The following LRGUK variants were observed in gnomAD, a reference collection of about 807,000 sequenced individuals.
The protein encoded by LRGUK is leucine rich repeats and guanylate kinase domain containing.
LRGUK carries 65 observed loss-of-function variants against 76.0 expected under a neutral mutation model. The ratio of observed to expected loss-of-function variants is 0.85; its 90% CI spans 0.70 to 1.05. The LOEUF is 1.05. Ranked by LOEUF, LRGUK falls within the 50% of genes least tolerant of loss-of-function variation. The pLI, the probability that LRGUK is intolerant of heterozygous loss-of-function variation, is 0.00. For missense variants in LRGUK, 758 were observed against 732.8 expected, an observed-to-expected ratio of 1.03 and a Z score of -0.40; for synonymous variants, 268 against 265.6, an observed-to-expected ratio of 1.01 and a Z score of -0.09.
chr7:134,231,703 CCTTCCTCCCGTTCTCCCTCT>C (rs1249737714), intron 16 of LRGUK, among the ~76,000 whole-genome samples: 54 of 138,622 alleles, frequency 3.9e-4, no homozygotes, highest in Admixed American at 8.6e-4. Flanking sequence ...TTCCTCCCTT[CCTTCCTCCCGTTCTCCCTCT>C]CTTCCTCCCT....
At chr7:134,202,897 AC>A (rs750600254) in intron 15 of LRGUK, among the ~76,000 whole-genome samples, 3 of 152,186 alleles carry the variant, frequency 2.0e-5, no homozygotes, top group Non-Finnish European at 4.4e-5. Context: ...ATGCCACTGA[AC>A]TGTGTACTTA....
chr7:134,262,823 G>A (rs1802764140), intron 19 of LRGUK, among the ~76,000 whole-genome samples: 1 of 151,782 alleles, frequency 6.6e-6, no homozygotes, highest in Non-Finnish European at 1.5e-5. Context: ...CAAAAATTAC[G>A]CAGATGTGGT....
chr7:134,251,215 G>A (rs1412117330), intron 18 of LRGUK, among the ~76,000 whole-genome samples: 5 of 152,116 alleles, frequency 3.3e-5, no homozygotes, highest in African/African-American at 4.8e-5. Flanking sequence ...GGTCATATTG[G>A]AGTAGGGTGG....
intron 9 of LRGUK, 84 bp from the exon 10 acceptor site, chr7:134,178,419 A>T: frequency 2.0e-6 from 2 of 993,524 alleles, no homozygotes; most frequent in Middle Eastern, 2.9e-4. Context: ...CGTGAACAAC[A>T]TTTCATTAAG....
chr7:134,196,817 T>G (rs1032286051), intron 12 of LRGUK, among the ~76,000 whole-genome samples, 175 bp from the exon 13 acceptor site: 14 of 152,198 alleles, frequency 9.2e-5, no homozygotes, highest in African/African-American at 3.4e-4. Context: ...TCTGAATAAA[T>G]TTCTCTGTCA....
intron 1 of LRGUK, among the ~76,000 whole-genome samples, chr7:134,133,918 C>T (rs1457291463): frequency 6.6e-6 from 1 of 151,878 alleles, no homozygotes; most frequent in East Asian, 1.9e-4. Context: ...AAAAATTAGC[C>T]AGGCATGGTG....
chr7:134,224,993 A>C (rs111268457), intron 16 of LRGUK, among the ~76,000 whole-genome samples: 1 of 151,902 alleles, frequency 6.6e-6, no homozygotes, highest in Non-Finnish European at 1.5e-5. Context: ...CAGAGGTTGC[A>C]GTGAGCGGAG....
chr7:134,209,118 C>T (rs1801129260), exon 16 of LRGUK: 2 of 399,028 alleles, frequency 5.0e-6, no homozygotes, highest in Admixed American at 4.4e-5. Context: ...CCCATCACCC[C>T]GACCCTGGTG....
At chr7:134,261,656 A>G (rs901601762) in intron 19 of LRGUK, among the ~76,000 whole-genome samples, 3 of 152,230 alleles carry the variant, frequency 2.0e-5, no homozygotes, top group Non-Finnish European at 4.4e-5. Flanking sequence ...AGAAACTTTG[A>G]TAAGTGCCCT....
At chr7:134,205,155 T>C (rs1800949777) in intron 15 of LRGUK, among the ~76,000 whole-genome samples, 1 of 152,198 alleles carries the variant, frequency 6.6e-6, no homozygotes, top group Non-Finnish European at 1.5e-5. Context: ...TCCATTTGTG[T>C]CCTATCAGAG....
exon 1 of LRGUK, chr7:134,127,440 A>G (rs1052612422): frequency 3.7e-6 from 6 of 1,613,842 alleles, no homozygotes; most frequent in East Asian, 2.2e-5. Flanking sequence ...CAGATCCCGA[A>G]CTGGAGCCCG....
At chr7:134,188,661 T>C (rs1800075034) in intron 11 of LRGUK, among the ~76,000 whole-genome samples, 1 of 152,146 alleles carries the variant, frequency 6.6e-6, no homozygotes, top group South Asian at 2.1e-4. Context: ...GCTATTGACA[T>C]ATATTTGCAT....
At chr7:134,191,793 C>G (rs368369041) in intron 12 of LRGUK, 42 bp downstream of exon 12, 11 of 1,240,704 alleles carry the variant, frequency 8.9e-6, no homozygotes, top group Admixed American at 2.0e-5. Context: ...AAGAAATACA[C>G]GTTCTCTGGC....
intron 1 of LRGUK, among the ~76,000 whole-genome samples, chr7:134,128,266 CATT>C (rs1360312720): frequency 1.3e-5 from 2 of 152,226 alleles, no homozygotes; most frequent in Non-Finnish European, 2.9e-5. Context: ...ACAGCCAGCT[CATT>C]GTGGGAATAT....
chr7:134,145,458 G>A (rs1052252551), intron 4 of LRGUK, among the ~76,000 whole-genome samples: 2 of 152,134 alleles, frequency 1.3e-5, no homozygotes, highest in African/African-American at 2.4e-5. Flanking sequence ...TGTTGACCAG[G>A]CTGGTCTGAA....
chr7:134,177,028 G>T lies in LRGUK; in HGVS notation c.1072G>T (p.Glu358Ter). The T allele has an allele frequency of 6.2e-7, 1 of 1,601,846 alleles. No individual in the cohort carries two copies. Among genetic ancestry groups the T allele is most frequent in the Non-Finnish European group, 8.5e-7 (1 of 1,170,754 alleles). Residue 358 changes from glutamate (E) to a stop codon, truncating the protein, a stop_gained, in exon 9 of 16, where the codon GAA (glutamate) becomes TAA (stop). Coordinates refer to ENST00000645682, the Ensembl canonical transcript of LRGUK. LOFTEE classifies it high-confidence loss of function. ...AATTTTTATGCTTCTGCGATTAACA[G>T]AATTAGATCAGAAGAAGATTAAAGT...
chr7:134,265,699 G>A (rs1304892125), downstream of LRGUK, among the ~76,000 whole-genome samples: 1 of 152,174 alleles, frequency 6.6e-6, no homozygotes, highest in Non-Finnish European at 1.5e-5. Flanking sequence ...TGCTGGGACA[G>A]TATCAGAGAA....
At chr7:134,182,697 T>C (rs928515891) in intron 10 of LRGUK, among the ~76,000 whole-genome samples, 5 of 152,326 alleles carry the variant, frequency 3.3e-5, no homozygotes, top group Middle Eastern at 3.4e-3. Context: ...TGCTACAATT[T>C]GTGTCATGAG....
At chr7:134,148,701 G>A (rs1798078949) in intron 5 of LRGUK, among the ~76,000 whole-genome samples, 3 of 152,148 alleles carry the variant, frequency 2.0e-5, no homozygotes, top group Non-Finnish European at 4.4e-5. Context: ...CAAGGCAGGT[G>A]GATCACCTGA....
Sources: allele counts gnomAD v4.1 joint callset (sites outside exome capture counted in the v4.1 genomes callset), GRCh38; gene constraint gnomAD v4.1.1; transcripts MANE v1.5; gene names NCBI Gene and HGNC (gene_info 2026-07-23, HGNC 2026-07-21).